Variants in SLMAP observed in about 807,000 individuals in gnomAD.
SLMAP encodes sarcolemmal membrane-associated protein.
SLMAP carries 44 observed loss-of-function variants against 128.8 expected under a neutral mutation model. That is an observed-to-expected ratio of 0.34 (90% CI 0.27 to 0.44). SLMAP has a LOEUF of 0.44. Ranked by LOEUF, SLMAP falls within the 20% of genes least tolerant of loss-of-function variation. The pLI is 1.00. For synonymous variants in SLMAP, 327 were observed against 348.8 expected (o/e 0.94, Z 0.70); for missense variants, 787 against 985.3 (o/e 0.80, Z 2.69).
rs75226124 is a variant in SLMAP at position 57,927,138 on chromosome 3, C to CA, written c.*7-157dup. On this transcript the variant is annotated intron_variant, in intron 24 of 24. Transcript: ENST00000671191. ...GACTCTTCTTATACCTGCACTCCCTCACTTTTTTTTTTCTTTTCAAACTTT... is the reference window on the plus strand; with the variant it reads ...GACTCTTCTTATACCTGCACTCCCTCAACTTTTTTTTTTCTTTTCAAACTTT... Among the ~76,000 whole-genome samples, 38,066 of 151,916 alleles carry CA rather than the reference C, an allele frequency of 0.25. 5,205 individuals carry two copies. Among genetic ancestry groups the CA allele is most frequent in the East Asian group, 0.48 (2,452 of 5,152 alleles).
chr3:57,758,230 C>T (rs1320695078), intron 2 of SLMAP, among the ~76,000 whole-genome samples: 1 of 152,140 alleles, frequency 6.6e-6, no homozygotes, highest in Non-Finnish European at 1.5e-5. Flanking sequence ...AATCCGTGGC[C>T]ATTATTATCC....
chr3:57,872,156 G>T (rs959544582), intron 14 of SLMAP, among the ~76,000 whole-genome samples: 1 of 152,140 alleles, frequency 6.6e-6, no homozygotes, highest in Non-Finnish European at 1.5e-5. Flanking sequence ...TTTTAAAGAG[G>T]CCAGGCGTGG....
At chr3:57,897,011 T>C (rs2153660276) in intron 17 of SLMAP, 79 bp downstream of exon 17, 1 of 1,581,430 alleles carries the variant, frequency 6.3e-7, no homozygotes, top group Non-Finnish European at 8.6e-7. Flanking sequence ...CTAGATATTA[T>C]GTGAAGTTTT....
chr3:57,817,041 C>T (rs1039936584), intron 2 of SLMAP, among the ~76,000 whole-genome samples: 3 of 152,164 alleles, frequency 2.0e-5, no homozygotes, highest in Non-Finnish European at 4.4e-5. Flanking sequence ...TTGAAAGTCA[C>T]AGCTCTTGGA....
At chr3:57,812,344 A>G (rs996203023) in intron 2 of SLMAP, among the ~76,000 whole-genome samples, 3 of 152,174 alleles carry the variant, frequency 2.0e-5, no homozygotes, top group Non-Finnish European at 4.4e-5. Flanking sequence ...TTCCCATTAA[A>G]TGATCTTGGC....
chr3:57,789,704 CT>C (rs2085021223), intron 2 of SLMAP, among the ~76,000 whole-genome samples: 1 of 152,194 alleles, frequency 6.6e-6, no homozygotes, highest in Admixed American at 6.5e-5. Context: ...AATGTTAAAA[CT>C]CTGTAATTCA....
At chr3:57,922,421 T>C (rs2096934458) in intron 22 of SLMAP, among the ~76,000 whole-genome samples, 1 of 147,754 alleles carries the variant, frequency 6.8e-6, no homozygotes, top group African/African-American at 2.5e-5. Flanking sequence ...CATTAAAGGC[T>C]TTTCTTTTTT....
At chr3:57,854,048 C>T (rs1405132789) in intron 6 of SLMAP, among the ~76,000 whole-genome samples, 5 of 85,386 alleles carry the variant, frequency 5.9e-5, no homozygotes, top group Non-Finnish European at 8.8e-5. Context: ...TATATATATA[C>T]ACATAACATA....
At chr3:57,762,016 C>T (rs1472388056) in intron 2 of SLMAP, among the ~76,000 whole-genome samples, 2 of 144,024 alleles carry the variant, frequency 1.4e-5, no homozygotes, top group East Asian at 2.1e-4. Flanking sequence ...CACTGCAGTC[C>T]GCAGTCCGGC....
chr3:57,864,091 C>T (rs2095218077), intron 10 of SLMAP, among the ~76,000 whole-genome samples: 1 of 152,118 alleles, frequency 6.6e-6, no homozygotes, highest in Non-Finnish European at 1.5e-5. Flanking sequence ...AAGCCTTTGT[C>T]TTTATCATCT....
At chr3:57,858,969 T>C (rs1332051492) in intron 8 of SLMAP, among the ~76,000 whole-genome samples, 1 of 151,950 alleles carries the variant, frequency 6.6e-6, no homozygotes, top group Non-Finnish European at 1.5e-5. Context: ...ACAAAAAAGT[T>C]ACAAAAATAA....
At chr3:57,905,753 A>C (rs2096519221) in intron 17 of SLMAP, among the ~76,000 whole-genome samples, 1 of 152,138 alleles carries the variant, frequency 6.6e-6, no homozygotes. Context: ...CTGTGTATAA[A>C]ATTTTTTTTG....
intron 22 of SLMAP, chr3:57,918,496 C>A (rs2096855454): frequency 6.6e-6 from 1 of 152,132 alleles, no homozygotes; most frequent in Non-Finnish European, 1.5e-5. Flanking sequence ...CTGATCTTGT[C>A]AGTATGTTTC....
rs187876138 is a variant in SLMAP at position 57,761,240 on chromosome 3, G to A, written c.198+3391G>A. Among the ~76,000 whole-genome samples, 114 of 152,236 alleles carry A rather than the reference G, an allele frequency of 7.5e-4. 1 individual carries two copies. The highest frequency in any genetic ancestry group is 2.3e-3 in the African/African-American group (94 of 41,536). ...TGCTATGGAGTCTTAGGAAGGTGAT[G>A]AGAAATTATTTTCTTTAATGTGATG... On this transcript the variant is annotated intron_variant, in intron 2 of 24. Transcript: ENST00000671191.
intron 13 of SLMAP, among the ~76,000 whole-genome samples, chr3:57,870,156 CTTTAG>C (rs1018570871): frequency 1.3e-5 from 2 of 151,800 alleles, no homozygotes; most frequent in African/African-American, 4.8e-5. Context: ...TTGTAAAGTC[CTTTAG>C]TTAAGTTAAA....
At chr3:57,887,656 G>A (rs2095932732) in intron 14 of SLMAP, among the ~76,000 whole-genome samples, 1 of 152,190 alleles carries the variant, frequency 6.6e-6, no homozygotes, top group Non-Finnish European at 1.5e-5. Context: ...TGATGTTGCT[G>A]TCTCAACACA....
Position 57,890,120 on chromosome 3 carries a change from A to C in SLMAP, c.1360+20A>C. The C allele has an allele frequency of 6.2e-7, 1 of 1,611,860 alleles. No individual in the cohort carries two copies. On this transcript the variant is annotated intron_variant, in intron 15 of 24. Transcript: ENST00000671191. Reference sequence around the variant, plus strand: ...CAAAAGGTTTGTTTTCTGTTTTTCTATGTTTTTTGACAGTTCTTTTGGATA... The same window carrying C: ...CAAAAGGTTTGTTTTCTGTTTTTCTCTGTTTTTTGACAGTTCTTTTGGATA...
intron 17 of SLMAP, chr3:57,898,733 T>C (rs1575943753): frequency 6.6e-6 from 1 of 152,206 alleles, no homozygotes; most frequent in South Asian, 2.1e-4. Context: ...ATTAAAATTA[T>C]AAAGACACAA....
intron 2 of SLMAP, among the ~76,000 whole-genome samples, chr3:57,774,535 TTATTA>T (rs1553773085): frequency 6.6e-6 from 1 of 151,184 alleles, no homozygotes; most frequent in Admixed American, 6.6e-5. Flanking sequence ...ATTATTATTA[TTATTA>T]TTGAGACGAA....
Sources: gnomAD v4.1 joint callset for allele counts (sites outside exome capture counted in the v4.1 genomes callset) on GRCh38, gnomAD v4.1.1 for gene constraint, MANE v1.5 for transcripts, NCBI Gene and HGNC (gene_info 2026-07-23, HGNC 2026-07-21) for gene names.